FSTL4: variants seen among roughly 807,000 people sequenced by gnomAD.
FSTL4 encodes the protein follistatin-related protein 4.
In FSTL4, 28 loss-of-function variants were observed where a neutral mutation model predicts 78.2. The observed-to-expected ratio is 0.36, with a 90% CI of 0.27 to 0.49. The LOEUF (loss-of-function observed/expected upper bound fraction) is 0.49, where lower values mean the gene tolerates loss of function less well. FSTL4 is among the 20% of genes least tolerant of loss of function. FSTL4 has a pLI of 0.98. For missense variants in FSTL4, 922 were observed against 1,084.9 expected (o/e 0.85, Z 2.11); for synonymous variants, 422 against 440.5 (o/e 0.96, Z 0.53).
the FSTL4 span, among the ~76,000 whole-genome samples, chr5:133,820,172 C>T: frequency 6.6e-6 from 1 of 152,212 alleles, no homozygotes; most frequent in African/African-American, 2.4e-5. Context: ...CCTCCTCCCC[C>T]AGAAGTCCTT....
chr5:133,557,743 C>G (rs1398637803), intron 3 of FSTL4, among the ~76,000 whole-genome samples: 1 of 152,210 alleles, frequency 6.6e-6, no homozygotes, highest in African/African-American at 2.4e-5. Context: ...TCCTTACACT[C>G]CATATCAAGT....
At chr5:133,277,040 G>A (rs1016909983) in intron 6 of FSTL4, among the ~76,000 whole-genome samples, 3 of 152,176 alleles carry the variant, frequency 2.0e-5, no homozygotes, top group Non-Finnish European at 2.9e-5. Flanking sequence ...GGCTGGGCGC[G>A]GTGGCTCACT....
chr5:133,323,282 G>T (rs1196968119), intron 4 of FSTL4, among the ~76,000 whole-genome samples: 1 of 152,116 alleles, frequency 6.6e-6, no homozygotes, highest in Non-Finnish European at 1.5e-5. Flanking sequence ...CTTCACATGG[G>T]GATAATAATA....
At chr5:133,603,165 T>C (rs1760906830) in intron 2 of FSTL4, among the ~76,000 whole-genome samples, 1 of 152,022 alleles carries the variant, frequency 6.6e-6, no homozygotes, top group Admixed American at 6.5e-5. Context: ...TGCAGAAAAA[T>C]ACATTTTGCC....
rs756277645 is a variant in FSTL4, at chr5:133,220,734, GCA to G, written c.1458+12_1458+13del. The G allele has an allele frequency of 1.4e-4, 183 of 1,317,178 alleles. No individual in the cohort carries two copies. The highest frequency in any genetic ancestry group is 1.8e-4 in the Non-Finnish European group (168 of 908,622). 81.6% of individuals were successfully genotyped at this position (1,317,178 alleles called of 1,614,324 possible). ...GTGTATGATGTAGAAGCTGCCCCAG[GCA>G]CAGTTACTTACATAGCTCATGAAAA... On this transcript the variant is annotated intron_variant, in intron 12 of 15. Coordinates refer to ENST00000265342, the MANE Select transcript of FSTL4 (RefSeq NM_015082.2).
intron 6 of FSTL4, among the ~76,000 whole-genome samples, chr5:133,287,594 C>T (rs1474271551): frequency 6.6e-6 from 1 of 152,122 alleles, no homozygotes; most frequent in Non-Finnish European, 1.5e-5. Context: ...ACCAGCTCAG[C>T]CCTGGATCTG....
At chr5:133,614,953 T>C (rs1173869043), upstream of FSTL4, among the ~76,000 whole-genome samples, 1 of 152,164 alleles carries the variant, frequency 6.6e-6, no homozygotes, top group African/African-American at 2.4e-5. Flanking sequence ...ACGTTGCTGG[T>C]TTAAAATCTT....
intron 3 of FSTL4, among the ~76,000 whole-genome samples, chr5:133,548,587 G>A (rs1448662591): frequency 1.3e-5 from 2 of 152,130 alleles, no homozygotes; most frequent in Non-Finnish European, 2.9e-5. Context: ...ATCAGTTGAG[G>A]TAGACCTAGA....
At chr5:133,273,197 C>T (rs1453789919) in intron 6 of FSTL4, among the ~76,000 whole-genome samples, 1 of 152,088 alleles carries the variant, frequency 6.6e-6, no homozygotes, top group East Asian at 1.9e-4. Flanking sequence ...TTCTTGTAGC[C>T]AAGTAAAAAG....
the FSTL4 span, among the ~76,000 whole-genome samples, chr5:133,718,759 G>A: frequency 3.3e-5 from 5 of 152,238 alleles, no homozygotes; most frequent in South Asian, 2.1e-4. Flanking sequence ...CAGCCCTAAC[G>A]GCCACAGATT....
chr5:133,644,743 C>A, the FSTL4 span, among the ~76,000 whole-genome samples: 1 of 152,136 alleles, frequency 6.6e-6, no homozygotes, highest in Non-Finnish European at 1.5e-5. Flanking sequence ...CAGACCCATA[C>A]CCTGCCCTCT....
the FSTL4 span, among the ~76,000 whole-genome samples, chr5:133,649,895 A>G: frequency 1.3e-5 from 2 of 151,718 alleles, no homozygotes; most frequent in Non-Finnish European, 2.9e-5. Context: ...TTGTGTTGCT[A>G]TAAAGAAATA....
At chr5:133,474,421 G>A (rs1307898946) in intron 3 of FSTL4, among the ~76,000 whole-genome samples, 9 of 152,306 alleles carry the variant, frequency 5.9e-5, no homozygotes, top group Admixed American at 3.9e-4. Context: ...TGTAGCCCCC[G>A]TGAAGGAGTG....
chr5:133,641,356 A>T, the FSTL4 span, among the ~76,000 whole-genome samples: 1 of 152,222 alleles, frequency 6.6e-6, no homozygotes, highest in Non-Finnish European at 1.5e-5. Flanking sequence ...CATTCCATTT[A>T]TTCTAGATAT....
chr5:133,623,440 A>G, the FSTL4 span, among the ~76,000 whole-genome samples: 1 of 152,034 alleles, frequency 6.6e-6, no homozygotes, highest in Non-Finnish European at 1.5e-5. Flanking sequence ...ATAACTCAAT[A>G]TCCACATGCA....
chr5:133,402,301 A>G (rs539636597), intron 3 of FSTL4, among the ~76,000 whole-genome samples: 1 of 152,328 alleles, frequency 6.6e-6, no homozygotes. Flanking sequence ...CGTTTAAGTG[A>G]AAGGCGAAAC....
intron 3 of FSTL4, among the ~76,000 whole-genome samples, chr5:133,421,010 C>T (rs1756681345): frequency 6.6e-6 from 1 of 152,220 alleles, no homozygotes; most frequent in Non-Finnish European, 1.5e-5. Flanking sequence ...GCTTCTCACC[C>T]CTATCCCCTG....
At chr5:133,708,053 T>C in the FSTL4 span, among the ~76,000 whole-genome samples, 2 of 142,750 alleles carry the variant, frequency 1.4e-5, no homozygotes, top group Non-Finnish European at 3.0e-5. Flanking sequence ...ATATTGTCAG[T>C]AACTAGCTGT....
At position 133,537,843 on chromosome 5, in the gene FSTL4, G is replaced by C. The variant is rs73788134; in HGVS notation, c.160+29343C>G. Among the ~76,000 whole-genome samples the C allele has an allele frequency of 5.3e-3, 809 of 151,712 alleles. 7 individuals are homozygous for C. The highest frequency in any genetic ancestry group is 0.019 in the African/African-American group (773 of 41,364). ...AGAGACACACACATATATAGTGTGT[G>C]TGTATCTATATGTACACACATATAT... On this transcript the variant is annotated intron_variant, in intron 3 of 15. Transcript: ENST00000265342.
Sources: allele counts gnomAD v4.1 joint callset (sites outside exome capture counted in the v4.1 genomes callset), GRCh38; gene constraint gnomAD v4.1.1; transcripts MANE v1.5; gene names NCBI Gene and HGNC (gene_info 2026-07-23, HGNC 2026-07-21).